The following DLGAP2 variants were observed in gnomAD, a reference collection of about 807,000 sequenced individuals.
The protein encoded by DLGAP2 is DLG associated protein 2.
Under a neutral mutation model 100.3 loss-of-function variants are expected in DLGAP2, and 26 were observed. The observed-to-expected ratio is 0.26, with a 90% CI of 0.19 to 0.36. The LOEUF (loss-of-function observed/expected upper bound fraction) is 0.36. DLGAP2 is among the 10% of genes least tolerant of loss of function. DLGAP2 has a pLI of 1.00. For synonymous variants in DLGAP2, 886 were observed against 630.1 expected, an observed-to-expected ratio of 1.41 and a Z score of -6.08; for missense variants, 1,858 against 1,453.2, an observed-to-expected ratio of 1.28 and a Z score of -4.53.
chr8:1,563,918 C>G (rs1223277443), intron 5 of DLGAP2, among the ~76,000 whole-genome samples: 1 of 152,094 alleles, frequency 6.6e-6, no homozygotes, highest in Non-Finnish European at 1.5e-5. Context: ...ACCTCAGTAG[C>G]TAAGTATTTT....
chr8:1,129,639 G>A (rs956910759), intron 2 of DLGAP2, among the ~76,000 whole-genome samples: 1 of 152,140 alleles, frequency 6.6e-6, no homozygotes, highest in African/African-American at 2.4e-5. Flanking sequence ...GACTCCTGCT[G>A]TCTTGGTTTC....
At chr8:1,098,605 G>A (rs1360587094) in intron 2 of DLGAP2, among the ~76,000 whole-genome samples, 2 of 106,592 alleles carry the variant, frequency 1.9e-5, no homozygotes, top group Admixed American at 9.3e-5. Context: ...GCTCCCGGCC[G>A]CCCACGGGCG....
intron 1 of DLGAP2, among the ~76,000 whole-genome samples, chr8:884,036 A>G (rs1285450661): frequency 7.2e-5 from 11 of 152,268 alleles, no homozygotes; most frequent in East Asian, 3.9e-4. Context: ...TATCCAGTCT[A>G]TCATTGATGG....
At chr8:1,457,975 C>CATATATATAT (rs57897392) in intron 3 of DLGAP2, among the ~76,000 whole-genome samples, 2,853 of 107,100 alleles carry the variant, frequency 0.027, 49 homozygotes, top group South Asian at 0.039. Context: ...GTTCTCTGAT[C>CATATATATAT]ATATATATAT....
chr8:1,412,013 G>A (rs1796745119), intron 3 of DLGAP2, among the ~76,000 whole-genome samples: 1 of 152,204 alleles, frequency 6.6e-6, no homozygotes, highest in Non-Finnish European at 1.5e-5. Flanking sequence ...GATGCCATGG[G>A]CAGGTGATCT....
At chr8:1,173,592 C>T (rs1377259419) in intron 2 of DLGAP2, among the ~76,000 whole-genome samples, 7 of 152,134 alleles carry the variant, frequency 4.6e-5, no homozygotes, top group Non-Finnish European at 7.4e-5. Context: ...CAATGGTGGG[C>T]GCCCCTCCCC....
At chr8:1,503,563 A>T (rs1344838343) in intron 4 of DLGAP2, among the ~76,000 whole-genome samples, 1 of 152,056 alleles carries the variant, frequency 6.6e-6, no homozygotes, top group African/African-American at 2.4e-5. Context: ...TGTGAATGGT[A>T]CTGCTGTGAA....
chr8:808,491 A>G (rs2132666647), intron 1 of DLGAP2, among the ~76,000 whole-genome samples: 1 of 152,316 alleles, frequency 6.6e-6, no homozygotes, highest in South Asian at 2.1e-4. Flanking sequence ...CGTTCTGGGA[A>G]CAGGGAGGAC....
intron 1 of DLGAP2, among the ~76,000 whole-genome samples, chr8:887,917 G>A (rs1180681058): frequency 6.6e-6 from 1 of 152,090 alleles, no homozygotes; most frequent in African/African-American, 2.4e-5. Context: ...CTAGCATGTT[G>A]GCCTGTCTTG....
chr8:1,332,316 CTGTA>C (rs968090855), intron 3 of DLGAP2, among the ~76,000 whole-genome samples: 4 of 151,532 alleles, frequency 2.6e-5, no homozygotes, highest in East Asian at 1.9e-4. Flanking sequence ...GTGTGTGTGT[CTGTA>C]TGCGAGGGTA....
At chr8:817,984 G>A (rs930360536) in intron 1 of DLGAP2, among the ~76,000 whole-genome samples, 2 of 152,176 alleles carry the variant, frequency 1.3e-5, no homozygotes, top group Non-Finnish European at 2.9e-5. Context: ...GTCCCATAGG[G>A]AGGAAGCAAA....
intron 3 of DLGAP2, among the ~76,000 whole-genome samples, chr8:1,342,100 G>A (rs747054055): frequency 4.6e-5 from 7 of 152,066 alleles, no homozygotes; most frequent in Non-Finnish European, 1.0e-4. Context: ...ACAGGCAGGT[G>A]CCCCTACCCC....
At chr8:1,236,104 G>T (rs1798646244) in intron 2 of DLGAP2, among the ~76,000 whole-genome samples, 1 of 85,846 alleles carries the variant, frequency 1.2e-5, no homozygotes, top group African/African-American at 5.0e-5. Flanking sequence ...TCTCTCACAT[G>T]GTACCATGTC....
At chr8:1,536,094 T>C (rs1801145799) in intron 4 of DLGAP2, among the ~76,000 whole-genome samples, 1 of 152,156 alleles carries the variant, frequency 6.6e-6, no homozygotes. Flanking sequence ...GTCAACTCGG[T>C]GTAGCAGGAC....
intron 8 of DLGAP2, among the ~76,000 whole-genome samples, chr8:1,661,548 G>T (rs1358704145): frequency 6.6e-6 from 1 of 152,224 alleles, no homozygotes; most frequent in South Asian, 2.1e-4. Flanking sequence ...GGTTTATATA[G>T]CAGGGAAGAA....
intron 3 of DLGAP2, among the ~76,000 whole-genome samples, chr8:1,349,619 T>C (rs1801659188): frequency 2.3e-5 from 2 of 86,852 alleles, no homozygotes; most frequent in South Asian, 1.0e-3. Flanking sequence ...TCCACGCATG[T>C]CATGAGCCTC....
At chr8:1,502,560 A>C (rs768983993) in intron 4 of DLGAP2, among the ~76,000 whole-genome samples, 18 of 152,180 alleles carry the variant, frequency 1.2e-4, no homozygotes, top group Admixed American at 2.6e-4. Flanking sequence ...GCCTTTCTTC[A>C]CTCGGAAATA....
intron 2 of DLGAP2, among the ~76,000 whole-genome samples, chr8:1,222,112 TG>T (rs1798325573): frequency 6.6e-6 from 1 of 152,206 alleles, no homozygotes; most frequent in Non-Finnish European, 1.5e-5. Context: ...GAAGAAACAT[TG>T]CCGGGGAGCT....
chr8:965,642 A>T (rs6996885), intron 2 of DLGAP2, among the ~76,000 whole-genome samples: 1,721 of 104,344 alleles, frequency 0.016, 1 homozygote, highest in Middle Eastern at 0.049. Flanking sequence ...ACTGTTCACC[A>T]CACAGGGCTC....
Sources: allele counts gnomAD v4.1 joint callset (sites outside exome capture counted in the v4.1 genomes callset), GRCh38; gene constraint gnomAD v4.1.1; transcripts MANE v1.5; gene names NCBI Gene and HGNC (gene_info 2026-07-23, HGNC 2026-07-21).